Variants in STARD13 observed in about 807,000 individuals in gnomAD.
STARD13 encodes stAR-related lipid transfer protein 13.
In STARD13, 62 loss-of-function variants were observed where a neutral mutation model predicts 106.4. The ratio of observed to expected loss-of-function variants is 0.58; its 90% confidence interval spans 0.48 to 0.72. The LOEUF (loss-of-function observed/expected upper bound fraction) is 0.72. Among genes scored for constraint, STARD13 ranks in the 30% least tolerant of loss-of-function variants. The probability of loss-of-function intolerance (pLI) is 0.00; values close to 1 mark genes in which losing one functional copy is unlikely to be tolerated. For missense variants in STARD13, 1,387 were observed against 1,424.0 expected, an observed-to-expected ratio of 0.97 and a Z score of 0.42; for synonymous variants, 565 against 553.0, an observed-to-expected ratio of 1.02 and a Z score of -0.31.
Position 33,285,518 on chromosome 13 carries a change from T to G in STARD13, c.121A>C (p.Met41Leu). Residue 41 changes from methionine to leucine, a missense_variant, in exon 1 of 14, where the codon ATG becomes CTG. Coordinates refer to ENST00000336934, the MANE Select transcript of STARD13 (RefSeq NM_178006.4). ...TGATGGCGTGCTAGAATCCGGCTCA[T>G]CCTGTAAGGAGAGCGTCTTGTAGTC... ...DQTTRRSPYR[M>L]SRILARHQLV... 1.2e-6 allele frequency: 2 copies of G among 1,614,030 alleles called. No individual in the cohort carries two copies. The highest frequency in any genetic ancestry group is 1.7e-6 in the Non-Finnish European group (2 of 1,179,912).
the STARD13 span, among the ~76,000 whole-genome samples, chr13:33,605,202 G>A: frequency 6.9e-6 from 1 of 145,738 alleles, no homozygotes; most frequent in Non-Finnish European, 1.5e-5. Context: ...CAGTACCACT[G>A]CACTCCAGCC....
At chr13:33,641,427 G>A in the STARD13 span, among the ~76,000 whole-genome samples, 22 of 152,140 alleles carry the variant, frequency 1.4e-4, no homozygotes, top group African/African-American at 4.8e-4. Context: ...AAAGGTGGAA[G>A]GAAACTTAGA....
intron 3 of STARD13, among the ~76,000 whole-genome samples, chr13:33,154,163 C>G (rs571285652): frequency 4.6e-5 from 7 of 152,232 alleles, no homozygotes; most frequent in Non-Finnish European, 7.4e-5. Flanking sequence ...GGGAGGGTGT[C>G]GGGCGCACTG....
Position 33,103,778 on chromosome 13 carries a change from T to G in STARD13, c.*1815A>C, listed in dbSNP as rs1419704801. ...GAGCAGGACCAGTGTTTAGCTAGAT[T>G]AAACTTCACTGGTGATCTTGTTGAT... On this transcript the variant is annotated 3_prime_UTR_variant, in exon 14 of 14. Coordinates refer to ENST00000336934, the MANE Select transcript of STARD13 (RefSeq NM_178006.4). 1.3e-5 allele frequency: 2 copies of G among 152,266 alleles called. No homozygotes were observed. The highest frequency in any genetic ancestry group is 2.9e-5 in the Non-Finnish European group (2 of 68,038). The allele number at this position is 152,266 out of a possible 1,614,324, so 9.4% of individuals were successfully genotyped here.
chr13:33,163,093 G>C (rs145661241), intron 3 of STARD13, among the ~76,000 whole-genome samples: 10 of 152,244 alleles, frequency 6.6e-5, no homozygotes, highest in Non-Finnish European at 1.2e-4. Context: ...GAGAAAATGA[G>C]GAAGATGCAA....
the STARD13 span, among the ~76,000 whole-genome samples, chr13:33,378,513 G>A: frequency 6.6e-6 from 1 of 152,184 alleles, no homozygotes; most frequent in African/African-American, 2.4e-5. Flanking sequence ...AGGCGTGGTC[G>A]GGCGCAGTGG....
chr13:33,153,899 G>T (rs919985301), intron 3 of STARD13, among the ~76,000 whole-genome samples: 1 of 152,206 alleles, frequency 6.6e-6, no homozygotes, highest in Non-Finnish European at 1.5e-5. Context: ...AGTGTTCCGG[G>T]TGGGGCCCTC....
chr13:33,376,846 G>A, the STARD13 span, among the ~76,000 whole-genome samples: 1 of 152,154 alleles, frequency 6.6e-6, no homozygotes, highest in Non-Finnish European at 1.5e-5. Context: ...CCAGGACACT[G>A]CTCTATGACA....
At chr13:33,547,811 G>A in the STARD13 span, among the ~76,000 whole-genome samples, 1 of 152,026 alleles carries the variant, frequency 6.6e-6, no homozygotes, top group African/African-American at 2.4e-5. Flanking sequence ...ATTTCATGAA[G>A]ATCCAAGAAA....
At chr13:33,506,065 G>A in the STARD13 span, among the ~76,000 whole-genome samples, 1 of 152,146 alleles carries the variant, frequency 6.6e-6, no homozygotes, top group African/African-American at 2.4e-5. Flanking sequence ...GTACTCTTCA[G>A]TGACATGCAC....
chr13:33,671,011 A>G, the STARD13 span, among the ~76,000 whole-genome samples: 34 of 152,352 alleles, frequency 2.2e-4, no homozygotes, highest in Non-Finnish European at 4.4e-4. Flanking sequence ...CTTCAAAACT[A>G]TGGTCTAGTT....
chr13:33,129,100 A>C lies in STARD13; in HGVS notation c.1577T>G (p.Phe526Cys). Residue 526 changes from phenylalanine to cysteine, a missense_variant, in exon 5 of 14, where the codon TTT becomes TGT. Coordinates refer to ENST00000336934, the MANE Select transcript of STARD13 (RefSeq NM_178006.4). ...TAAGGTGATCTGATTAGGAGATGGA[A>C]AGGTGGATAAGCCAGGTTCCCCAAC... ...TLVGEPGLST[F>C]PSPNQITLDF... The C allele has an allele frequency of 6.2e-7, 1 of 1,614,164 alleles. No homozygotes were observed. The highest frequency in any genetic ancestry group is 1.1e-5 in the South Asian group (1 of 91,074).
intron 1 of STARD13, among the ~76,000 whole-genome samples, chr13:33,325,948 G>A (rs1326380370): frequency 7.5e-6 from 1 of 133,024 alleles, no homozygotes; most frequent in African/African-American, 2.9e-5. Flanking sequence ...TAGCGCCACT[G>A]CACTCCAGCC....
chr13:33,429,584 A>G, the STARD13 span, among the ~76,000 whole-genome samples: 2 of 152,192 alleles, frequency 1.3e-5, no homozygotes, highest in African/African-American at 4.8e-5. Flanking sequence ...ATTCAGCCAT[A>G]AAAAACAATA....
intron 1 of STARD13, among the ~76,000 whole-genome samples, chr13:33,299,616 C>T (rs1407227919): frequency 6.6e-6 from 1 of 152,180 alleles, no homozygotes; most frequent in African/African-American, 2.4e-5. Context: ...GTCCTGTGTG[C>T]TCAGATTTGA....
the STARD13 span, among the ~76,000 whole-genome samples, chr13:33,544,293 A>G: frequency 2.0e-5 from 3 of 152,212 alleles, no homozygotes; most frequent in African/African-American, 7.2e-5. Flanking sequence ...AAATGTACAC[A>G]GTGCTTACAT....
chr13:33,434,697 C>T, the STARD13 span, among the ~76,000 whole-genome samples: 13 of 152,082 alleles, frequency 8.5e-5, no homozygotes, highest in Admixed American at 8.5e-4. Context: ...ACGAGATCTT[C>T]CTGCTGCATA....
the STARD13 span, among the ~76,000 whole-genome samples, chr13:33,464,537 C>A: frequency 1.3e-5 from 2 of 151,980 alleles, no homozygotes; most frequent in Non-Finnish European, 2.9e-5. Flanking sequence ...TAATACTGAG[C>A]ATTTCTTTAT....
chr13:33,486,659 T>C, the STARD13 span, among the ~76,000 whole-genome samples: 2 of 152,210 alleles, frequency 1.3e-5, no homozygotes, highest in African/African-American at 4.8e-5. Flanking sequence ...GCATGGCTCA[T>C]GTCCTCCACT....
Sources: gnomAD v4.1 joint callset for allele counts (sites outside exome capture counted in the v4.1 genomes callset) on GRCh38, gnomAD v4.1.1 for gene constraint, MANE v1.5 for transcripts, NCBI Gene and HGNC (gene_info 2026-07-23, HGNC 2026-07-21) for gene names.